Variants in SH2D3C observed in about 807,000 individuals in gnomAD.
SH2D3C encodes the protein SH2 domain containing 3C.
In SH2D3C, 25 loss-of-function variants were observed where a neutral mutation model predicts 75.2. The ratio of observed to expected loss-of-function variants is 0.33; its 90% CI spans 0.24 to 0.46. The LOEUF (loss-of-function observed/expected upper bound fraction) is 0.46, where lower values mean the gene tolerates loss of function less well. Ranked by LOEUF, SH2D3C falls within the 20% of genes least tolerant of loss-of-function variation. The pLI is 1.00. For missense variants in SH2D3C, 933 were observed against 1,165.3 expected (o/e 0.80, Z 2.90); for synonymous variants, 450 against 473.7 (o/e 0.95, Z 0.65).
chr9:127,761,087 C>T (rs943389307), intron 3 of SH2D3C, among the ~76,000 whole-genome samples: 1 of 152,122 alleles, frequency 6.6e-6, no homozygotes, highest in Non-Finnish European at 1.5e-5. Context: ...GTGATCCACC[C>T]GCCTTGGCAT....
Position 127,739,763 on chromosome 9 carries a change from C to T in SH2D3C, c.2326G>A (p.Val776Met), listed in dbSNP as rs1844794765. 6.2e-7 allele frequency: 1 copy of T among 1,607,970 alleles called. No homozygotes were observed. The highest frequency in any genetic ancestry group is 8.5e-7 in the Non-Finnish European group (1 of 1,178,330). Residue 776 changes from valine to methionine, a missense_variant, in exon 11 of 12, where the codon GTG becomes ATG. Physicochemically the swap from Val to Met is conservative, Grantham distance 21. Coordinates refer to ENST00000314830, the MANE Select transcript of SH2D3C (RefSeq NM_170600.3). This position sits in a 1 kb window ranked among gnomAD's most constrained non-coding sequence, Gnocchi z 4.3. ...CGGGCGGCCTCCAGGTGAGCCAGCACCACCTCCACGCCGTGCTCCGTGCTG... is the reference window on the plus strand; with the variant it reads ...CGGGCGGCCTCCAGGTGAGCCAGCATCACCTCCACGCCGTGCTCCGTGCTG... ...WGSTEHGVEV[V>M]LAHLEAARTV...
At chr9:127,755,084 C>T (rs1588508377) in intron 3 of SH2D3C, 5 of 1,208,508 alleles carry the variant, frequency 4.1e-6, no homozygotes, top group Non-Finnish European at 5.1e-6. Context: ...CTCACCTGCA[C>T]CTGCACGAAG....
chr9:127,747,275 T>C lies in SH2D3C; in HGVS notation c.1140-4A>G. 2 of 1,611,258 alleles carry C rather than the reference T, an allele frequency of 1.2e-6. No individual in the cohort carries two copies. Among genetic ancestry groups the C allele is most frequent in the Non-Finnish European group, 1.7e-6 (2 of 1,179,604 alleles). Reference sequence around the variant, plus strand: ...CCGAGGGCGGGGCAGCGACGTACTGTGGAGCAGACACCATCATGGGCAGGG... The same window carrying C: ...CCGAGGGCGGGGCAGCGACGTACTGCGGAGCAGACACCATCATGGGCAGGG... On this transcript the variant is annotated splice_region_variant and splice_polypyrimidine_tract_variant and intron_variant, in intron 5 of 11. Transcript: ENST00000314830.
At chr9:127,756,640 CTTTTTTTTT>C (rs573247009) in intron 3 of SH2D3C, among the ~76,000 whole-genome samples, 1 of 93,868 alleles carries the variant, frequency 1.1e-5, no homozygotes, top group Non-Finnish European at 2.1e-5. Flanking sequence ...TAGGAGGGGG[CTTTTTTTTT>C]TTTTTTTTTT....
chr9:127,757,272 A>AT (rs60217641), intron 3 of SH2D3C, among the ~76,000 whole-genome samples: 14,011 of 138,610 alleles, frequency 0.1, 1,260 homozygotes, highest in African/African-American at 0.24. Context: ...CCCTCATTTG[A>AT]TTTTTTTTTT....
At chr9:127,742,665 C>CT (rs2131736886) in intron 8 of SH2D3C, 184 bp downstream of exon 8, 2 of 550,786 alleles carry the variant, frequency 3.6e-6, no homozygotes, top group South Asian at 4.6e-5. Flanking sequence ...AGGATTCAGT[C>CT]TTTGGGAAAT....
rs1588506452 is a variant in SH2D3C, at chr9:127,754,016, G to A, written c.556-2716C>T. Among the ~76,000 whole-genome samples the A allele has an allele frequency of 1.3e-5, 2 of 152,152 alleles. No homozygotes were observed. Among genetic ancestry groups the A allele is most frequent in the East Asian group, 3.9e-4 (2 of 5,182 alleles). The stretch of plus-strand genomic sequence containing the variant: ...TCACTGGTCACGGAGAGTTTGGGGG[G>A]ACCAACTTGGTCCTCCCACACACCT... On this transcript the variant is annotated intron_variant, in intron 3 of 11. Coordinates refer to ENST00000314830, the MANE Select transcript of SH2D3C (RefSeq NM_170600.3). The surrounding 1 kb of genome is among the most constrained non-coding windows in gnomAD (Gnocchi z 4.4).
intron 6 of SH2D3C, among the ~76,000 whole-genome samples, chr9:127,746,538 C>T (rs951748027): frequency 3.3e-5 from 5 of 152,252 alleles, no homozygotes; most frequent in African/African-American, 1.2e-4. Flanking sequence ...TGCAGTGGCT[C>T]ATGCCTGTAA....
intron 2 of SH2D3C, chr9:127,766,988 C>T (rs753433916): frequency 6.5e-6 from 10 of 1,536,194 alleles, no homozygotes; most frequent in Non-Finnish European, 8.7e-6. Context: ...TGGAAAGCCC[C>T]GTCTCTGCCA....
intron 5 of SH2D3C, among the ~76,000 whole-genome samples, chr9:127,747,885 C>T (rs145890972): frequency 4.2e-4 from 64 of 152,250 alleles, no homozygotes; most frequent in African/African-American, 1.4e-3. Flanking sequence ...CCCTGCTCTC[C>T]TCCTTTCCTA....
At chr9:127,755,135 T>C (rs1845337273) in intron 3 of SH2D3C, 15 of 1,219,862 alleles carry the variant, frequency 1.2e-5, no homozygotes, top group Admixed American at 4.3e-5. Flanking sequence ...GACAGGGCAC[T>C]CCACAGGCTG....
intron 3 of SH2D3C, among the ~76,000 whole-genome samples, chr9:127,761,196 T>A (rs1321488474): frequency 6.6e-6 from 1 of 152,200 alleles, no homozygotes; most frequent in East Asian, 1.9e-4. Context: ...TGGATAAATC[T>A]GAGCTGTGCC....
chr9:127,771,122 G>T (rs1845728742), intron 2 of SH2D3C: 7 of 1,326,716 alleles, frequency 5.3e-6, no homozygotes, highest in Non-Finnish European at 5.1e-6. Context: ...CAGGGGTGCA[G>T]ATTTCCTCCT....
chr9:127,761,033 G>A (rs1418026358), intron 3 of SH2D3C, among the ~76,000 whole-genome samples: 1 of 152,046 alleles, frequency 6.6e-6, no homozygotes, highest in African/African-American at 2.4e-5. Context: ...TAGAGATGGG[G>A]TTTCACCATG....
chr9:127,755,539 C>G (rs776166523), intron 3 of SH2D3C, among the ~76,000 whole-genome samples: 77 of 152,280 alleles, frequency 5.1e-4, no homozygotes, highest in Non-Finnish European at 8.7e-4. Flanking sequence ...TCTGCCTCCC[C>G]CACTCGCCGC....
At chr9:127,775,655 A>T (rs981951520) in intron 1 of SH2D3C, among the ~76,000 whole-genome samples, 1 of 150,898 alleles carries the variant, frequency 6.6e-6, no homozygotes, top group Non-Finnish European at 1.5e-5. Context: ...AAATAAAAAT[A>T]AAAAGTTAGC....
chr9:127,740,110 G>T, intron 10 of SH2D3C, 148 bp downstream of exon 10: 1 of 771,288 alleles, frequency 1.3e-6, no homozygotes, highest in Non-Finnish European at 2.1e-6. Context: ...ACATGAACAG[G>T]GCTGACACAG....
At chr9:127,757,645 GATT>G (rs71380087) in intron 3 of SH2D3C, among the ~76,000 whole-genome samples, 2,962 of 121,440 alleles carry the variant, frequency 0.024, 55 homozygotes, top group South Asian at 0.071. Flanking sequence ...TGATGATGAT[GATT>G]ATTATTATTA....
chr9:127,761,516 TA>T, intron 3 of SH2D3C, 94 bp downstream of exon 3: 1 of 868,188 alleles, frequency 1.2e-6, no homozygotes, highest in Non-Finnish European at 1.9e-6. Flanking sequence ...GTCTGGCTCC[TA>T]ACAAGGCTTG....
Sources: gnomAD v4.1 joint callset for allele counts (sites outside exome capture counted in the v4.1 genomes callset) on GRCh38, gnomAD v4.1.1 for gene constraint, Gnocchi (gnomAD v3.1) non-coding constraint, MANE v1.5 for transcripts, NCBI Gene and HGNC (gene_info 2026-07-23, HGNC 2026-07-21) for gene names.